RPS6KA2: variants seen among roughly 807,000 people sequenced by gnomAD.
RPS6KA2 encodes the protein ribosomal protein S6 kinase A2.
In RPS6KA2, 42 loss-of-function variants were observed where a neutral mutation model predicts 91.8. The observed-to-expected ratio is 0.46, with a 90% CI of 0.36 to 0.59. The LOEUF (loss-of-function observed/expected upper bound fraction) is 0.59, where lower values mean the gene tolerates loss of function less well. Ranked by LOEUF, RPS6KA2 falls within the 20% of genes least tolerant of loss-of-function variation. RPS6KA2 has a pLI of 0.00. For synonymous variants in RPS6KA2, 414 were observed against 393.6 expected (o/e 1.05, Z -0.61); for missense variants, 798 against 978.5 (o/e 0.82, Z 2.46).
chr6:166,775,421 A>G (rs1778588577), intron 2 of RPS6KA2, among the ~76,000 whole-genome samples: 1 of 152,202 alleles, frequency 6.6e-6, no homozygotes, highest in Non-Finnish European at 1.5e-5. Context: ...GCGTGCAGCC[A>G]ATGAAATCCT....
intron 1 of RPS6KA2, among the ~76,000 whole-genome samples, chr6:166,622,008 G>T (rs1230088059): frequency 6.6e-6 from 1 of 152,170 alleles, no homozygotes; most frequent in East Asian, 1.9e-4. Flanking sequence ...CAGGTAAATG[G>T]TAAGTCAGAG....
At chr6:166,791,845 C>A (rs1201172973) in intron 2 of RPS6KA2, among the ~76,000 whole-genome samples, 1 of 151,732 alleles carries the variant, frequency 6.6e-6, no homozygotes, top group African/African-American at 2.4e-5. Context: ...ATACCAGAAT[C>A]TCTGGGACAC....
chr6:166,664,437 T>A (rs1788259280), intron 2 of RPS6KA2, among the ~76,000 whole-genome samples: 1 of 152,194 alleles, frequency 6.6e-6, no homozygotes, highest in South Asian at 2.1e-4. Context: ...AAATATACAC[T>A]CAACACCAAA....
intron 2 of RPS6KA2, among the ~76,000 whole-genome samples, chr6:166,690,800 C>T (rs1789185819): frequency 6.6e-6 from 1 of 152,148 alleles, no homozygotes; most frequent in Non-Finnish European, 1.5e-5. Context: ...TGCCCCTGCA[C>T]TGTGGCAAGT....
Position 166,639,184 on chromosome 6 carries a change from A to G in RPS6KA2, c.124-100400T>C, listed in dbSNP as rs1329429766. On this transcript the variant is annotated intron_variant, in intron 2 of 21. Coordinates refer to the RPS6KA2 transcript ENST00000503859. This position sits in a 1 kb window ranked among gnomAD's most constrained non-coding sequence, Gnocchi z 4.2. ...TCGACTCCCAAATATGAGAATTTGT[A>G]TCTGAAAACTCCCCTATTCAACTGT... Among the ~76,000 whole-genome samples, 1 of 152,218 alleles carries G rather than the reference A, an allele frequency of 6.6e-6. No homozygotes were observed. The highest frequency in any genetic ancestry group is 6.5e-5 in the Admixed American group (1 of 15,276).
At chr6:166,773,806 T>G (rs1778542056) in intron 2 of RPS6KA2, among the ~76,000 whole-genome samples, 1 of 152,058 alleles carries the variant, frequency 6.6e-6, no homozygotes. Flanking sequence ...CATGGCTAGC[T>G]CCACCAGGAA....
rs1273979629 is a variant in RPS6KA2 at position 166,648,554 on chromosome 6, G to A, written c.124-109770C>T. Among the ~76,000 whole-genome samples the A allele has an allele frequency of 6.6e-6, 1 of 152,130 alleles. No individual in the cohort carries two copies. Among genetic ancestry groups the A allele is most frequent in the African/African-American group, 2.4e-5 (1 of 41,410 alleles). ...TAATAAATGTTTCTGGATTGAACACGTGAGTGAGTTCGTATATTCCTGAAT... is the reference window on the plus strand; with the variant it reads ...TAATAAATGTTTCTGGATTGAACACATGAGTGAGTTCGTATATTCCTGAAT... On this transcript the variant is annotated intron_variant, in intron 2 of 21. Coordinates refer to the RPS6KA2 transcript ENST00000503859. The surrounding 1 kb of genome is among the most constrained non-coding windows in gnomAD (Gnocchi z 4.8).
At chr6:166,628,151 C>A (rs1350837728), upstream of RPS6KA2, among the ~76,000 whole-genome samples, 2 of 152,242 alleles carry the variant, frequency 1.3e-5, no homozygotes, top group African/African-American at 4.8e-5. Flanking sequence ...TAGGGCAAGG[C>A]CCTCAGACCC....
intron 2 of RPS6KA2, among the ~76,000 whole-genome samples, chr6:166,829,218 CTT>C (rs1297286555): frequency 6.6e-6 from 1 of 152,138 alleles, no homozygotes; most frequent in African/African-American, 2.4e-5. Flanking sequence ...AAACTGAAAC[CTT>C]TGTGGCACTA....
chr6:166,834,195 C>T (rs971620206), intron 2 of RPS6KA2, among the ~76,000 whole-genome samples: 2 of 152,198 alleles, frequency 1.3e-5, no homozygotes, highest in African/African-American at 4.8e-5. Flanking sequence ...TTTGTCAGCA[C>T]TTGATGCTGT....
chr6:166,615,779 C>T (rs1583329762), intron 1 of RPS6KA2, among the ~76,000 whole-genome samples: 1 of 152,268 alleles, frequency 6.6e-6, no homozygotes, highest in Middle Eastern at 3.4e-3. Flanking sequence ...GAGCACACCC[C>T]CCCAGGATGG....
intron 10 of RPS6KA2, among the ~76,000 whole-genome samples, chr6:166,478,057 T>G (rs78793972): frequency 0.022 from 3,406 of 152,238 alleles, 120 homozygotes; most frequent in African/African-American, 0.077. Flanking sequence ...AATTCGCATT[T>G]CCAGGGGGAG....
intron 2 of RPS6KA2, among the ~76,000 whole-genome samples, chr6:166,844,308 C>T (rs1780557305): frequency 6.6e-6 from 1 of 152,098 alleles, no homozygotes; most frequent in Non-Finnish European, 1.5e-5. Flanking sequence ...AATTGGTGTT[C>T]CCGAGAAAGA....
intron 2 of RPS6KA2, among the ~76,000 whole-genome samples, chr6:166,853,809 G>A (rs764153455): frequency 4.6e-5 from 7 of 152,218 alleles, no homozygotes; most frequent in Admixed American, 1.3e-4. Flanking sequence ...TTTCCTGCAC[G>A]GAGCTGTCGC....
intron 1 of RPS6KA2, among the ~76,000 whole-genome samples, chr6:166,551,029 C>T (rs1784006949): frequency 7.6e-6 from 1 of 131,724 alleles, no homozygotes; most frequent in Non-Finnish European, 1.7e-5. Flanking sequence ...AAATTAGGTA[C>T]TACTCTCTGT....
chr6:166,770,565 ATCAAAC>A lies in RPS6KA2; in HGVS notation c.123+87629_123+87634del, dbSNP rs563870441. Among the ~76,000 whole-genome samples the A allele has an allele frequency of 1.3e-3, 194 of 152,338 alleles. No individual in the cohort carries two copies. Among genetic ancestry groups the A allele is most frequent in the Admixed American group, 3.3e-3 (51 of 15,302 alleles). On this transcript the variant is annotated intron_variant, in intron 2 of 21. Transcript: ENST00000503859. This position sits in a 1 kb window ranked among gnomAD's most constrained non-coding sequence, Gnocchi z 5.1. Reference sequence around the variant, plus strand: ...ACATAAAGTGATGCAGAGATTCAGAATCAAACTCAAATCATAATGCATGGCAAGATG... The same window carrying A: ...ACATAAAGTGATGCAGAGATTCAGAATCAAATCATAATGCATGGCAAGATG...
intron 1 of RPS6KA2, among the ~76,000 whole-genome samples, chr6:166,589,445 G>A (rs148410721): frequency 4.6e-5 from 7 of 152,230 alleles, no homozygotes; most frequent in African/African-American, 1.4e-4. Context: ...TCAATTCATC[G>A]GCCAAAGACA....
rs114102356 is a variant in RPS6KA2, at chr6:166,436,528, G to A, written c.1333-4038C>T. 4.3e-3 allele frequency among the ~76,000 whole-genome samples: 651 copies of A among 152,308 alleles called. 7 individuals carry two copies. Among genetic ancestry groups the A allele is most frequent in the African/African-American group, 0.015 (612 of 41,562 alleles). On this transcript the variant is annotated intron_variant, in intron 14 of 20. Coordinates refer to ENST00000265678, the MANE Select transcript of RPS6KA2 (RefSeq NM_021135.6). ...ACCAGAAGGGGCTGCATGGGGTGGGGAGGTGCGCCCTGACAGGGGCTGTGG... is the reference window on the plus strand; with the variant it reads ...ACCAGAAGGGGCTGCATGGGGTGGGAAGGTGCGCCCTGACAGGGGCTGTGG...
intron 2 of RPS6KA2, among the ~76,000 whole-genome samples, chr6:166,675,516 C>A (rs1209952154): frequency 6.6e-6 from 1 of 152,154 alleles, no homozygotes; most frequent in African/African-American, 2.4e-5. Flanking sequence ...TGGAAAATCC[C>A]CTCCCCAGCC....
Sources: gnomAD v4.1 joint callset for allele counts (sites outside exome capture counted in the v4.1 genomes callset) on GRCh38, gnomAD v4.1.1 for gene constraint, Gnocchi (gnomAD v3.1) non-coding constraint, MANE v1.5 for transcripts, NCBI Gene and HGNC (gene_info 2026-07-23, HGNC 2026-07-21) for gene names.